COL25A1: variants seen among roughly 807,000 people sequenced by gnomAD.
COL25A1 encodes collagen type XXV alpha 1 chain.
A neutral mutation model predicts 128.4 loss-of-function variants in COL25A1; 103 were observed. The observed-to-expected ratio is 0.80, with a 90% CI of 0.68 to 0.94. The LOEUF (loss-of-function observed/expected upper bound fraction) is 0.94. Among genes scored for constraint, COL25A1 ranks in the 40% least tolerant of loss-of-function variants. The pLI is 0.00. For missense variants in COL25A1, 745 were observed against 840.0 expected (o/e 0.89, Z 1.40); for synonymous variants, 279 against 277.2 (o/e 1.01, Z -0.06).
intron 3 of COL25A1, among the ~76,000 whole-genome samples, chr4:109,087,287 G>A (rs553269354): frequency 6.5e-4 from 98 of 151,842 alleles, no homozygotes; most frequent in Non-Finnish European, 8.2e-4. Context: ...GAGGGAAGCA[G>A]CACGTACAAG....
intron 6 of COL25A1, among the ~76,000 whole-genome samples, chr4:108,980,916 A>G (rs1752913885): frequency 2.0e-5 from 3 of 152,204 alleles, no homozygotes; most frequent in African/African-American, 7.2e-5. Flanking sequence ...GATGTTCACA[A>G]TCTCACAGGG....
At chr4:108,854,685 T>G (rs990407115) in intron 24 of COL25A1, among the ~76,000 whole-genome samples, 5 of 152,148 alleles carry the variant, frequency 3.3e-5, no homozygotes, top group African/African-American at 9.7e-5. Context: ...CCAGTTAGAA[T>G]GGCGATCATT....
chr4:109,179,056 T>C (rs62324317), intron 3 of COL25A1, among the ~76,000 whole-genome samples: 1 of 150,662 alleles, frequency 6.6e-6, no homozygotes, highest in Non-Finnish European at 1.5e-5. Context: ...AAAAAAAAGT[T>C]GTCCTAAAAT....
intron 6 of COL25A1, among the ~76,000 whole-genome samples, chr4:108,976,233 T>C (rs931307282): frequency 6.6e-6 from 1 of 152,336 alleles, no homozygotes; most frequent in Admixed American, 6.5e-5. Context: ...TCTTCCATAT[T>C]GAAATCTGAA....
chr4:109,193,374 A>G (rs1775776714), intron 3 of COL25A1, among the ~76,000 whole-genome samples: 3 of 152,236 alleles, frequency 2.0e-5, no homozygotes, highest in Non-Finnish European at 4.4e-5. Flanking sequence ...TTAGTGTGGG[A>G]ATACTTCAGG....
chr4:108,829,145 G>T (rs1418875347), intron 32 of COL25A1, among the ~76,000 whole-genome samples: 2 of 152,120 alleles, frequency 1.3e-5, no homozygotes, highest in African/African-American at 4.8e-5. Flanking sequence ...TCCTTAATTT[G>T]TTAAGAGACA....
intron 13 of COL25A1, among the ~76,000 whole-genome samples, chr4:108,911,802 G>GCTT (rs1380128955): frequency 8.0e-6 from 1 of 124,400 alleles, no homozygotes; most frequent in Non-Finnish European, 1.7e-5. Flanking sequence ...TTGCTTCGCT[G>GCTT]TTTTTTTTTT....
At chr4:108,892,994 A>C (rs2125850455) in intron 16 of COL25A1, among the ~76,000 whole-genome samples, 1 of 152,338 alleles carries the variant, frequency 6.6e-6, no homozygotes, top group Middle Eastern at 3.4e-3. Context: ...GCCCGGCACC[A>C]ATTAGGGTGG....
chr4:109,083,168 T>C (rs567766617), intron 3 of COL25A1, among the ~76,000 whole-genome samples: 1 of 152,268 alleles, frequency 6.6e-6, no homozygotes, highest in South Asian at 2.1e-4. Flanking sequence ...ATCTAAGTAT[T>C]TGCCTAAGTC....
chr4:109,218,360 T>TTTTTTTTGTTTGTTTG (rs1778179019), intron 3 of COL25A1, among the ~76,000 whole-genome samples: 3 of 116,668 alleles, frequency 2.6e-5, no homozygotes, highest in African/African-American at 1.2e-4. Flanking sequence ...TTTTGGGGTT[T>TTTTTTTTGTTTGTTTG]TTTTTTTTTT....
intron 3 of COL25A1, among the ~76,000 whole-genome samples, chr4:109,211,274 CTATATATATATGAAACTA>C (rs1228672541): frequency 5.6e-4 from 9 of 15,956 alleles, no homozygotes; most frequent in Admixed American, 2.4e-3. Context: ...ATATATGAAA[CTATATATATATGAAACTA>C]TATATATATA....
chr4:108,834,385 T>C, intron 31 of COL25A1: 3 of 1,550,566 alleles, frequency 1.9e-6, no homozygotes, highest in East Asian at 4.9e-5. Flanking sequence ...CTAAGCCAGA[T>C]GCTCCCTGTG....
chr4:109,241,802 G>A (rs1300578954), intron 3 of COL25A1, among the ~76,000 whole-genome samples: 2 of 152,010 alleles, frequency 1.3e-5, no homozygotes, highest in Non-Finnish European at 2.9e-5. Flanking sequence ...TAGAAGTAGA[G>A]TTAGTGGAAC....
intron 6 of COL25A1, among the ~76,000 whole-genome samples, chr4:109,003,780 A>G (rs1755697044): frequency 6.6e-6 from 1 of 151,934 alleles, no homozygotes; most frequent in South Asian, 2.1e-4. Flanking sequence ...AGCCTGGGCA[A>G]CAGAGCGAGA....
At chr4:109,001,170 T>G (rs1047712942) in intron 6 of COL25A1, among the ~76,000 whole-genome samples, 1 of 152,180 alleles carries the variant, frequency 6.6e-6, no homozygotes, top group Non-Finnish European at 1.5e-5. Flanking sequence ...AAGAGTGACA[T>G]AATCAGAACT....
chr4:108,985,457 A>G (rs1259171189), intron 6 of COL25A1, among the ~76,000 whole-genome samples: 4 of 152,176 alleles, frequency 2.6e-5, no homozygotes, highest in African/African-American at 9.7e-5. Context: ...CATAGAAAGG[A>G]AGTTGAATTG....
intron 3 of COL25A1, among the ~76,000 whole-genome samples, chr4:109,108,211 T>G (rs1766638810): frequency 6.6e-6 from 1 of 152,106 alleles, no homozygotes; most frequent in Non-Finnish European, 1.5e-5. Context: ...CCCCGGTGTG[T>G]GATGTTCCCC....
chr4:108,885,874 C>T (rs1205215610), intron 18 of COL25A1, among the ~76,000 whole-genome samples: 1 of 152,122 alleles, frequency 6.6e-6, no homozygotes, highest in Admixed American at 6.5e-5. Flanking sequence ...CATTATTGTC[C>T]AACGGGTGTT....
chr4:109,078,806 C>T (rs1301274177), intron 3 of COL25A1, among the ~76,000 whole-genome samples: 2 of 152,194 alleles, frequency 1.3e-5, no homozygotes, highest in African/African-American at 4.8e-5. Flanking sequence ...GGGCAGACTT[C>T]CTACTTGCCC....
Sources: gnomAD v4.1 joint callset for allele counts (sites outside exome capture counted in the v4.1 genomes callset) on GRCh38, gnomAD v4.1.1 for gene constraint, MANE v1.5 for transcripts, NCBI Gene and HGNC (gene_info 2026-07-23, HGNC 2026-07-21) for gene names.